The following GPC1 variants were observed in gnomAD, a reference collection of about 807,000 sequenced individuals.
GPC1 encodes glypican-1.
A neutral mutation model predicts 51.5 loss-of-function variants in GPC1; 26 were observed. The ratio of observed to expected loss-of-function variants is 0.50; its 90% CI spans 0.37 to 0.70. The LOEUF is 0.70. GPC1 is among the 30% of genes least tolerant of loss of function. The pLI is 0.00. For missense variants in GPC1, 775 were observed against 800.5 expected (o/e 0.97, Z 0.38); for synonymous variants, 380 against 348.3 (o/e 1.09, Z -1.01).
intron 7 of GPC1, 90 bp from the exon 8 acceptor site, chr2:240,465,383 G>C: frequency 7.1e-7 from 1 of 1,404,782 alleles, no homozygotes; most frequent in Non-Finnish European, 9.8e-7. Flanking sequence ...GGGCATCTCA[G>C]GCTCAGAGCG....
intron 1 of GPC1, among the ~76,000 whole-genome samples, chr2:240,453,918 C>T (rs1016909433): frequency 2.0e-5 from 3 of 152,190 alleles, no homozygotes; most frequent in African/African-American, 7.2e-5. Flanking sequence ...TGACAGGAGC[C>T]TTAGCCGGCC....
chr2:240,436,224 T>G (rs193300783), intron 1 of GPC1, 140 bp downstream of exon 1: 8 of 482,218 alleles, frequency 1.7e-5, no homozygotes, highest in African/African-American at 1.6e-4. Flanking sequence ...AATGGCTCCC[T>G]GCGCTGCGGC....
rs775328791 is a variant in GPC1, at chr2:240,465,592, T to C, written c.1388T>C (p.Met463Thr). The change falls in exon 8 of 9, where the codon ATG becomes ACG. Residue 463 changes from methionine (M) to threonine (T), a missense_variant. Coordinates refer to ENST00000264039, the MANE Select transcript of GPC1 (RefSeq NM_002081.3). ...IRQQIMQLKI[M>T]TNRLRSAYNG... ...CAGCAGATCATGCAGCTGAAGATCATGACCAACCGGCTGCGCAGCGCCTAC... is the reference window on the plus strand; with the variant it reads ...CAGCAGATCATGCAGCTGAAGATCACGACCAACCGGCTGCGCAGCGCCTAC... 6.2e-6 allele frequency: 10 copies of C among 1,612,976 alleles called. No homozygotes were observed. Among genetic ancestry groups the C allele is most frequent in the Non-Finnish European group, 3.4e-6 (4 of 1,180,006 alleles).
In GPC1 at chr2:240,466,272, CA is replaced by C. The variant is rs774125335; in HGVS notation, c.1660del (p.Arg554GlyfsTer18). ...LLLFLALTVA[R>X]PRWR ...TCCTCTTCCTGGCCCTTACAGTAGC[CA>C]GGCCCCGGTGGCGGTAACTGCCCCA... On this transcript the variant is annotated frameshift_variant, in exon 9 of 9. Transcript: ENST00000264039. LOFTEE classifies it high-confidence loss of function. 6.9e-6 allele frequency: 11 copies of C among 1,602,556 alleles called. No individual in the cohort carries two copies. The highest frequency in any genetic ancestry group is 6.8e-6 in the Non-Finnish European group (8 of 1,170,260).
intron 1 of GPC1, chr2:240,457,514 G>A (rs2074177854): frequency 2.2e-6 from 1 of 462,380 alleles, no homozygotes; most frequent in East Asian, 7.1e-5. Context: ...GCCTCTAGTG[G>A]GTAAGGGCTT....
chr2:240,438,488 T>G (rs1405296923), intron 1 of GPC1, among the ~76,000 whole-genome samples: 2 of 152,112 alleles, frequency 1.3e-5, no homozygotes, highest in African/African-American at 4.8e-5. Context: ...CTGGACCCTC[T>G]GTGGCCTAGT....
chr2:240,463,487 G>A lies in GPC1; in HGVS notation c.858G>A (p.Leu286=), dbSNP rs375213101. The change falls in exon 4 of 9, where the codon CTG becomes CTA. Residue 286 remains leucine (L), a synonymous_variant. Transcript: ENST00000264039. ...LKGCLANQAD[L]DAEWRNLLDS... ...GCTGCCTTGCCAACCAGGCCGACCT[G>A]GACGCCGAGTGGAGGAACCTCCTGG... 21 of 1,612,842 alleles carry A rather than the reference G, an allele frequency of 1.3e-5. No homozygotes were observed. In the African/African-American group the frequency reaches 2.4e-4, roughly 18 times the overall value.
Position 240,465,113 on chromosome 2 carries a change from G to A in GPC1, c.1171G>A (p.Asp391Asn). 1.9e-6 allele frequency: 3 copies of A among 1,611,542 alleles called. No homozygotes were observed. Among genetic ancestry groups the A allele is most frequent in the Non-Finnish European group, 2.5e-6 (3 of 1,179,474 alleles). The part of the protein sequence containing the change: ...EAKAQLRDVQ[D>N]FWISLPGTLC... ...CAAGGCCCAGCTCCGCGACGTCCAG[G>A]ACTTCTGGATCAGCCTCCCAGGGAC... is the stretch of plus-strand genomic sequence containing the variant. The change falls in exon 7 of 9, where the codon GAC becomes AAC. Residue 391 changes from aspartate (D) to asparagine (N), a missense_variant. Coordinates refer to ENST00000264039, the MANE Select transcript of GPC1 (RefSeq NM_002081.3).
intron 1 of GPC1, among the ~76,000 whole-genome samples, chr2:240,437,838 A>G (rs1221564813): frequency 1.3e-5 from 2 of 152,182 alleles, no homozygotes; most frequent in Non-Finnish European, 2.9e-5. Flanking sequence ...TTAGGAGCCA[A>G]CCTAACCTTC....
chr2:240,447,346 G>A (rs1272721046), intron 1 of GPC1, among the ~76,000 whole-genome samples: 1 of 152,210 alleles, frequency 6.6e-6, no homozygotes, highest in Non-Finnish European at 1.5e-5. Context: ...GCCTCTGTGT[G>A]GTTGGGGCGA....
intron 2 of GPC1, 46 bp from the exon 3 acceptor site, chr2:240,462,145 C>G: frequency 6.7e-7 from 1 of 1,500,006 alleles, no homozygotes; most frequent in Non-Finnish European, 8.9e-7. Flanking sequence ...CCAGCTGCCA[C>G]GGCGGGGGAA....
At chr2:240,445,834 G>A (rs908366907) in intron 1 of GPC1, among the ~76,000 whole-genome samples, 5 of 152,152 alleles carry the variant, frequency 3.3e-5, no homozygotes, top group Non-Finnish European at 7.3e-5. Context: ...TTGGAAAACG[G>A]CGTCCTCTCA....
At chr2:240,447,292 T>C (rs1475787430) in intron 1 of GPC1, among the ~76,000 whole-genome samples, 1 of 152,198 alleles carries the variant, frequency 6.6e-6, no homozygotes, top group African/African-American at 2.4e-5. Flanking sequence ...ACAGAGGCTG[T>C]TCTGGGTACC....
chr2:240,455,929 C>T lies in GPC1; in HGVS notation c.167-3101C>T, dbSNP rs928674826. ...CAGCCTGCAGCGGGCCTCAGGGGGC[C>T]GCCTCGATCCAGCCTGCCCGAGGCT... On this transcript the variant is annotated intron_variant, in intron 1 of 8. Transcript: ENST00000264039. 94 of 346,218 alleles carry T rather than the reference C, an allele frequency of 2.7e-4. 1 individual carries two copies. The highest frequency in any genetic ancestry group is 5.5e-4 in the Admixed American group (14 of 25,642). The allele number at this position is 346,218 out of a possible 1,614,324, so 21.4% of individuals were successfully genotyped here. A position where few individuals can be genotyped will look rare whatever the true frequency, so the allele number is the denominator to read the frequency against.
intron 1 of GPC1, chr2:240,456,123 GGCCGGGCGGGGCTGAGGGGTC>G: frequency 3.6e-6 from 1 of 280,252 alleles, no homozygotes; most frequent in South Asian, 2.7e-5. Context: ...TGGGCGAGTT[GGCCGGGCGGGGCTGAGGGGTC>G]GGCGGGGGAG....
intron 1 of GPC1, among the ~76,000 whole-genome samples, chr2:240,443,060 G>A (rs962273628): frequency 1.4e-4 from 22 of 152,272 alleles, no homozygotes; most frequent in African/African-American, 2.9e-4. Flanking sequence ...CCTCAGGTCC[G>A]GGTGGCAGGG....
At chr2:240,457,601 C>A in intron 1 of GPC1, 1 of 395,746 alleles carries the variant, frequency 2.5e-6, no homozygotes, top group Non-Finnish European at 5.4e-6. Context: ...CCAGGCCCTG[C>A]CTGCAGTGGG....
Position 240,435,839 on chromosome 2 carries a change from C to A in GPC1, c.-80C>A. 1.1e-6 allele frequency: 1 copy of A among 947,536 alleles called. No individual in the cohort carries two copies. The highest frequency in any genetic ancestry group is 1.4e-6 in the Non-Finnish European group (1 of 736,848). The allele number at this position is 947,536 out of a possible 1,614,324, so 58.7% of individuals were successfully genotyped here. On this transcript the variant is annotated 5_prime_UTR_variant, in exon 1 of 9. Coordinates refer to ENST00000264039, the MANE Select transcript of GPC1 (RefSeq NM_002081.3). Reference sequence around the variant, plus strand: ...GCGCCGGGACCTTGGCTCTGCCCTTCGCGGGCGGGAACTGCGCAGGACCCG... The same window carrying A: ...GCGCCGGGACCTTGGCTCTGCCCTTAGCGGGCGGGAACTGCGCAGGACCCG...
At position 240,463,461 on chromosome 2, in the gene GPC1, G is replaced by T; in HGVS notation, c.832G>T (p.Gly278Cys). ...CPDYCRNVLK[G>C]CLANQADLDA... ...TGACTATTGCCGAAATGTGCTCAAGGGCTGCCTTGCCAACCAGGCCGACCT... is the reference window on the plus strand; with the variant it reads ...TGACTATTGCCGAAATGTGCTCAAGTGCTGCCTTGCCAACCAGGCCGACCT... Residue 278 changes from glycine to cysteine, a missense_variant, in exon 4 of 9, where the codon GGC (glycine) becomes TGC (cysteine). Gly to Cys is a radical substitution (Grantham distance 159, BLOSUM62 -3). Transcript: ENST00000264039. The T allele has an allele frequency of 1.2e-6, 2 of 1,613,036 alleles. No individual in the cohort carries two copies. The highest frequency in any genetic ancestry group is 2.2e-5 in the East Asian group (1 of 44,876).
Sources: allele counts gnomAD v4.1 joint callset (sites outside exome capture counted in the v4.1 genomes callset), GRCh38; gene constraint gnomAD v4.1.1; transcripts MANE v1.5; gene names NCBI Gene and HGNC (gene_info 2026-07-23, HGNC 2026-07-21).